Variants in ARHGAP35 observed in about 807,000 individuals in gnomAD.
ARHGAP35 encodes the protein Rho GTPase activating protein 35, also known as rho GTPase-activating protein 35.
Under a neutral mutation model 111.1 loss-of-function variants are expected in ARHGAP35, and 15 were observed. The observed-to-expected ratio is 0.13, with a 90% CI of 0.09 to 0.21. The LOEUF is 0.21. Ranked by LOEUF, ARHGAP35 falls within the 10% of genes least tolerant of loss-of-function variation. The pLI, the probability that ARHGAP35 is intolerant of heterozygous loss-of-function variation, is 1.00. For missense variants in ARHGAP35, 1,262 were observed against 1,873.0 expected (o/e 0.67, Z 6.02); for synonymous variants, 643 against 710.3 (o/e 0.91, Z 1.51).
intron 1 of ARHGAP35, among the ~76,000 whole-genome samples, chr19:46,898,172 G>T (rs761368540): frequency 2.0e-5 from 3 of 151,542 alleles, no homozygotes; most frequent in Non-Finnish European, 4.4e-5. Flanking sequence ...AACCTGGGAG[G>T]CAGAGGTTGA....
intron 1 of ARHGAP35, among the ~76,000 whole-genome samples, chr19:46,912,139 G>A (rs2056140505): frequency 6.7e-6 from 1 of 149,510 alleles, no homozygotes; most frequent in African/African-American, 2.5e-5. Flanking sequence ...TGCCTCTAGG[G>A]TTCTAGCGAT....
intron 1 of ARHGAP35, among the ~76,000 whole-genome samples, chr19:46,877,821 C>G (rs1441226104): frequency 6.6e-6 from 1 of 151,904 alleles, no homozygotes; most frequent in African/African-American, 2.4e-5. Context: ...ATCCTCCTGC[C>G]TCAGCCTCCC....
chr19:46,904,029 G>C (rs1164781051), intron 1 of ARHGAP35, among the ~76,000 whole-genome samples: 1 of 152,038 alleles, frequency 6.6e-6, no homozygotes, highest in Non-Finnish European at 1.5e-5. Flanking sequence ...TTAATAAATG[G>C]GACTGGCTGG....
chr19:46,984,531 T>A (rs1200740341), intron 3 of ARHGAP35, among the ~76,000 whole-genome samples: 4 of 152,190 alleles, frequency 2.6e-5, no homozygotes, highest in South Asian at 2.1e-4. Context: ...TCAGTTTTTT[T>A]AATCTTTTTT....
Position 46,923,102 on chromosome 19 carries a change from C to CTTT in ARHGAP35, c.3681+764_3681+766dup, listed in dbSNP as rs397976247. ...GTAGAGACAGGAGCAAATGAAGTCT[C>CTTT]TTTTTTTTTTTTTTTTTTTTGAGAC... On this transcript the variant is annotated intron_variant, in intron 2 of 6. Coordinates refer to ENST00000672722, the MANE Select transcript of ARHGAP35 (RefSeq NM_004491.5). Among the ~76,000 whole-genome samples the CTTT allele has an allele frequency of 1.7e-3, 204 of 123,626 alleles. 4 individuals carry two copies. The highest frequency in any genetic ancestry group is 5.0e-3 in the African/African-American group (157 of 31,394). 81.1% of individuals were successfully genotyped at this position (123,626 alleles called of 152,430 possible).
chr19:46,966,822 A>C (rs1010314980), intron 3 of ARHGAP35, among the ~76,000 whole-genome samples: 1 of 152,222 alleles, frequency 6.6e-6, no homozygotes, highest in African/African-American at 2.4e-5. Context: ...CACACATCAA[A>C]GAGAAAATTA....
At chr19:46,951,450 C>CT (rs59745940) in intron 3 of ARHGAP35, among the ~76,000 whole-genome samples, 29,018 of 151,194 alleles carry the variant, frequency 0.19, 3,476 homozygotes, top group Non-Finnish European at 0.28. Context: ...TTTTGATGGC[C>CT]TTTTTTTTTC....
In ARHGAP35 at chr19:46,926,990, T is replaced by C. The variant is rs2056242284; in HGVS notation, c.3681+4634T>C. ...GCTGAATGCGATGAAATATGAGCTC[T>C]TTGTAACCTGCCTAGGAAAGACTCT... On this transcript the variant is annotated intron_variant, in intron 2 of 6. Transcript: ENST00000672722. The surrounding 1 kb of genome is among the most constrained non-coding windows in gnomAD (Gnocchi z 4.1). Among the ~76,000 whole-genome samples the C allele has an allele frequency of 1.3e-5, 2 of 152,348 alleles. No individual in the cohort carries two copies. Among genetic ancestry groups the C allele is most frequent in the African/African-American group, 4.8e-5 (2 of 41,578 alleles).
intron 5 of ARHGAP35, among the ~76,000 whole-genome samples, chr19:46,997,103 G>C (rs895429193): frequency 4.6e-5 from 7 of 152,190 alleles, no homozygotes; most frequent in African/African-American, 1.7e-4. Flanking sequence ...GTTGCAGTGA[G>C]CTGAGATCAC....
At chr19:46,913,627 A>G (rs1412758297) in intron 1 of ARHGAP35, among the ~76,000 whole-genome samples, 1 of 152,160 alleles carries the variant, frequency 6.6e-6, no homozygotes, top group African/African-American at 2.4e-5. Context: ...TGAGAAACCA[A>G]AATACTTCTG....
At position 46,879,448 on chromosome 19, in the gene ARHGAP35, G is replaced by A. The variant is rs571772423; in HGVS notation, c.-189+18239G>A. Among the ~76,000 whole-genome samples, 185 of 152,032 alleles carry A rather than the reference G, an allele frequency of 1.2e-3. 1 individual carries two copies. Among genetic ancestry groups the A allele is most frequent in the Non-Finnish European group, 1.8e-3 (125 of 67,972 alleles). On this transcript the variant is annotated intron_variant, in intron 1 of 6. Coordinates refer to ENST00000672722, the MANE Select transcript of ARHGAP35 (RefSeq NM_004491.5). ...CTAAAAATACAAAAATTAGCTGAGC[G>A]TGGTGACACATGCCTGTAATCCCAG...
chr19:46,989,303 C>T lies in ARHGAP35; in HGVS notation c.3905-241C>T. On this transcript the variant is annotated intron_variant, in intron 4 of 6. Transcript: ENST00000672722. This position sits in a 1 kb window ranked among gnomAD's most constrained non-coding sequence, Gnocchi z 5.3. ...AAACCAGCATGTGGGGGTAGCACCC[C>T]TGCCCCGAGAGTGGTAGAAGGGGCA... 2.3e-6 allele frequency: 1 copy of T among 436,994 alleles called. No individual in the cohort carries two copies. Among genetic ancestry groups the T allele is most frequent in the South Asian group, 2.8e-5 (1 of 35,918 alleles). 27.1% of individuals were successfully genotyped at this position (436,994 alleles called of 1,614,324 possible).
intron 1 of ARHGAP35, among the ~76,000 whole-genome samples, chr19:46,884,673 G>T (rs188411306): frequency 7.3e-5 from 11 of 151,602 alleles, no homozygotes; most frequent in Admixed American, 3.3e-4. Context: ...TTTTTGTAGA[G>T]ATGGAGTTTT....
intron 2 of ARHGAP35, among the ~76,000 whole-genome samples, chr19:46,924,503 C>T (rs1253810549): frequency 6.6e-6 from 1 of 152,244 alleles, no homozygotes; most frequent in Non-Finnish European, 1.5e-5. Context: ...CATAGGCATC[C>T]TCCTGTCTGA....
chr19:46,962,885 G>A (rs1219845605), intron 3 of ARHGAP35, among the ~76,000 whole-genome samples: 1 of 152,104 alleles, frequency 6.6e-6, no homozygotes, highest in African/African-American at 2.4e-5. Flanking sequence ...TGCTGGGATC[G>A]CAGGCATGAG....
At chr19:46,916,614 G>A (rs2056165464) in intron 1 of ARHGAP35, among the ~76,000 whole-genome samples, 1 of 151,974 alleles carries the variant, frequency 6.6e-6, no homozygotes, top group South Asian at 2.1e-4. Flanking sequence ...TTGCATTCTT[G>A]TCAGGGAAAC....
chr19:46,895,032 A>C (rs1374085630), intron 1 of ARHGAP35, among the ~76,000 whole-genome samples: 1 of 152,198 alleles, frequency 6.6e-6, no homozygotes, highest in Non-Finnish European at 1.5e-5. Context: ...TGAAGCCTTG[A>C]AAGAGTATTT....
chr19:46,961,662 G>A (rs1237508050), intron 3 of ARHGAP35, among the ~76,000 whole-genome samples: 1 of 152,190 alleles, frequency 6.6e-6, no homozygotes, highest in Non-Finnish European at 1.5e-5. Context: ...AGGTGCGGTG[G>A]CTCATGCCTG....
intron 1 of ARHGAP35, among the ~76,000 whole-genome samples, chr19:46,861,939 C>T (rs991638714): frequency 6.6e-6 from 1 of 152,094 alleles, no homozygotes; most frequent in Non-Finnish European, 1.5e-5. Context: ...TGTCTGCCCT[C>T]TCGCAGAGCC....
Sources: gnomAD v4.1 joint callset for allele counts (sites outside exome capture counted in the v4.1 genomes callset) on GRCh38, gnomAD v4.1.1 for gene constraint, Gnocchi (gnomAD v3.1) non-coding constraint, MANE v1.5 for transcripts, NCBI Gene and HGNC (gene_info 2026-07-23, HGNC 2026-07-21) for gene names.